The following ANK3 variants were observed in gnomAD, a reference collection of about 807,000 sequenced individuals.
The protein encoded by ANK3 is ankyrin 3.
In ANK3, 57 loss-of-function variants were observed where a neutral mutation model predicts 370.9. That is an observed-to-expected ratio of 0.15 (90% confidence interval 0.12 to 0.19). The LOEUF is 0.19. ANK3 is among the 10% of genes least tolerant of loss of function. The pLI is 1.00. For missense variants in ANK3, 4,439 were observed against 5,302.1 expected, an observed-to-expected ratio of 0.84 and a Z score of 5.06; for synonymous variants, 1,929 against 1,946.3, an observed-to-expected ratio of 0.99 and a Z score of 0.23.
chr10:60,114,028 CAAA>C (rs10534749), intron 26 of ANK3, among the ~76,000 whole-genome samples, 194 bp downstream of exon 26: 41,324 of 150,812 alleles, frequency 0.27, 6,100 homozygotes, highest in East Asian at 0.65. Flanking sequence ...AAATTTTTCT[CAAA>C]AAAAAAACTC....
intron 36 of ANK3, 60 bp downstream of exon 36, chr10:60,080,477 G>T: frequency 6.7e-7 from 1 of 1,486,390 alleles, no homozygotes. Flanking sequence ...GGTTTGTATA[G>T]AAAAAATGTC....
chr10:60,363,419 T>C (rs1385062091), intron 1 of ANK3, among the ~76,000 whole-genome samples: 1 of 152,090 alleles, frequency 6.6e-6, no homozygotes, highest in Non-Finnish European at 1.5e-5. Context: ...AATATATCAC[T>C]CCTCCAACCA....
intron 1 of ANK3, among the ~76,000 whole-genome samples, chr10:60,639,943 A>C (rs1012026669): frequency 6.6e-6 from 1 of 152,040 alleles, no homozygotes; most frequent in African/African-American, 2.4e-5. Flanking sequence ...AATAAGACTC[A>C]CCTATATGCC....
chr10:60,331,726 T>C (rs1006948894), intron 1 of ANK3, among the ~76,000 whole-genome samples: 1 of 152,148 alleles, frequency 6.6e-6, no homozygotes, highest in Non-Finnish European at 1.5e-5. Flanking sequence ...GTCCTTGAGT[T>C]AAAATTTGCT....
intron 2 of ANK3, among the ~76,000 whole-genome samples, chr10:60,482,780 C>T (rs1484710212): frequency 6.6e-6 from 1 of 152,182 alleles, no homozygotes; most frequent in East Asian, 1.9e-4. Context: ...AGCCACTGCA[C>T]TCAGCCTTCT....
chr10:60,251,842 C>A (rs2097671399), intron 7 of ANK3, among the ~76,000 whole-genome samples: 1 of 152,242 alleles, frequency 6.6e-6, no homozygotes, highest in African/African-American at 2.4e-5. Context: ...CCTGCAGGAT[C>A]AAGGCCAGTG....
At chr10:60,593,789 C>T (rs1395306118) in intron 2 of ANK3, among the ~76,000 whole-genome samples, 1 of 152,080 alleles carries the variant, frequency 6.6e-6, no homozygotes, top group Non-Finnish European at 1.5e-5. Context: ...AAGTTTTAAT[C>T]CATTAATTTT....
intron 16 of ANK3, among the ~76,000 whole-genome samples, chr10:60,195,246 T>C (rs2096566712): frequency 6.6e-6 from 1 of 152,008 alleles, no homozygotes; most frequent in African/African-American, 2.4e-5. Flanking sequence ...TGGCCAGGTG[T>C]GGTGGCAGGT....
intron 1 of ANK3, among the ~76,000 whole-genome samples, chr10:60,634,856 C>G (rs1334615016): frequency 6.6e-6 from 1 of 151,958 alleles, no homozygotes; most frequent in Non-Finnish European, 1.5e-5. Context: ...CCGCGAAAGT[C>G]TGCGGCCTCA....
chr10:60,318,527 C>G (rs570586120), intron 1 of ANK3, among the ~76,000 whole-genome samples: 11 of 152,170 alleles, frequency 7.2e-5, no homozygotes, highest in Non-Finnish European at 8.8e-5. Flanking sequence ...CAAATTGACT[C>G]AAAGCAAAAT....
chr10:60,337,797 T>C (rs752212613), intron 1 of ANK3, among the ~76,000 whole-genome samples: 2 of 152,200 alleles, frequency 1.3e-5, no homozygotes, highest in Non-Finnish European at 2.9e-5. Context: ...GGTTAACAAG[T>C]AATTCTTATT....
chr10:60,404,328 C>T (rs1036300284), intron 2 of ANK3, among the ~76,000 whole-genome samples: 1 of 151,988 alleles, frequency 6.6e-6, no homozygotes, highest in Non-Finnish European at 1.5e-5. Flanking sequence ...AGTGACACTA[C>T]CTGAATTTAA....
intron 1 of ANK3, among the ~76,000 whole-genome samples, chr10:60,370,414 A>T (rs1341861026): frequency 2.0e-5 from 3 of 152,194 alleles, no homozygotes; most frequent in Non-Finnish European, 4.4e-5. Flanking sequence ...TCCATTTTTT[A>T]AAAATCGCTA....
intron 28 of ANK3, among the ~76,000 whole-genome samples, chr10:60,101,243 G>T (rs2091217030): frequency 6.6e-6 from 1 of 152,102 alleles, no homozygotes; most frequent in Non-Finnish European, 1.5e-5. Context: ...TTGTTCCCTG[G>T]AGCTAGTGGC....
chr10:60,291,444 T>C (rs971606609), intron 1 of ANK3, among the ~76,000 whole-genome samples: 2 of 152,112 alleles, frequency 1.3e-5, no homozygotes, highest in African/African-American at 4.8e-5. Flanking sequence ...GCAAGGTATC[T>C]TACTGTGCTG....
chr10:60,386,576 T>G (rs1594883132), intron 1 of ANK3, among the ~76,000 whole-genome samples: 1 of 152,082 alleles, frequency 6.6e-6, no homozygotes, highest in East Asian at 1.9e-4. Context: ...TACTCATGAT[T>G]AACATATTCA....
intron 2 of ANK3, among the ~76,000 whole-genome samples, chr10:60,404,213 G>GGTT (rs1555368369): frequency 1.8e-4 from 3 of 16,538 alleles, no homozygotes; most frequent in Non-Finnish European, 4.3e-4. Context: ...AACACCACAA[G>GGTT]TTTTTTTTTA....
At chr10:60,674,481 T>G (rs1386719557) in intron 1 of ANK3, among the ~76,000 whole-genome samples, 1 of 152,002 alleles carries the variant, frequency 6.6e-6, no homozygotes, top group African/African-American at 2.4e-5. Context: ...AGATCTCACG[T>G]GAACTCAGAG....
rs187155457 is a variant in ANK3, at chr10:60,418,329, G to A, written c.97-138690C>T. On this transcript the variant is annotated intron_variant, in intron 2 of 43. Transcript: ENST00000373827. ...CTTCTGCCTGGAACCCCATTCCTAT[G>A]TCTCGTTAGGTGGTTAACATTCCCT... is the stretch of plus-strand genomic sequence containing the variant. Among the ~76,000 whole-genome samples the A allele has an allele frequency of 4.3e-4, 66 of 152,226 alleles. 1 individual carries two copies. The highest frequency in any genetic ancestry group is 1.4e-3 in the African/African-American group (60 of 41,538).
Sources: gnomAD v4.1 joint callset for allele counts (sites outside exome capture counted in the v4.1 genomes callset) on GRCh38, gnomAD v4.1.1 for gene constraint, MANE v1.5 for transcripts, NCBI Gene and HGNC (gene_info 2026-07-23, HGNC 2026-07-21) for gene names.